CCDC141: variants seen among roughly 807,000 people sequenced by gnomAD.
The protein encoded by CCDC141 is coiled-coil domain containing 141, also known as coiled-coil domain-containing protein 141.
A neutral mutation model predicts 181.0 loss-of-function variants in CCDC141; 168 were observed. The observed-to-expected ratio is 0.93, with a 90% CI of 0.82 to 1.05. CCDC141 has a LOEUF of 1.05. Ranked by LOEUF, CCDC141 falls within the 50% of genes least tolerant of loss-of-function variation. CCDC141 has a pLI of 0.00. For missense variants in CCDC141, 1,902 were observed against 1,788.5 expected (o/e 1.06, Z -1.14); for synonymous variants, 666 against 642.3 (o/e 1.04, Z -0.56).
At chr2:178,910,488 C>G (rs1227664415) in intron 7 of CCDC141, among the ~76,000 whole-genome samples, 1 of 152,124 alleles carries the variant, frequency 6.6e-6, no homozygotes, top group Non-Finnish European at 1.5e-5. Flanking sequence ...ATTAGAGCAC[C>G]AGATTCCATT....
In CCDC141 at chr2:178,830,892, G is replaced by C. The variant is rs1055681526; in HGVS notation, c.*3281C>G. On this transcript the variant is annotated 3_prime_UTR_variant, in exon 24 of 24. Transcript: ENST00000443758. ...AGGGCTGGAGAGAAGAGCATGATAT[G>C]TTAAAACCCTGAAGTTAAATGTCAC... The C allele has an allele frequency of 6.6e-6, 1 of 152,356 alleles. No individual in the cohort carries two copies. The highest frequency in any genetic ancestry group is 6.5e-5 in the Admixed American group (1 of 15,292). The allele number at this position is 152,356 out of a possible 1,614,324, so 9.4% of individuals were successfully genotyped here.
intron 4 of CCDC141, among the ~76,000 whole-genome samples, chr2:178,970,125 CACAA>C (rs1277106427): frequency 6.6e-6 from 1 of 152,144 alleles, no homozygotes; most frequent in Non-Finnish European, 1.5e-5. Flanking sequence ...TAAGAGAGGA[CACAA>C]ACAAATGGAA....
At chr2:178,893,835 A>G (rs1407184469) in intron 8 of CCDC141, among the ~76,000 whole-genome samples, 1 of 151,692 alleles carries the variant, frequency 6.6e-6, no homozygotes, top group Non-Finnish European at 1.5e-5. Flanking sequence ...ACACACACAC[A>G]CACACACACA....
chr2:178,862,284 A>G (rs1558936016), intron 17 of CCDC141, among the ~76,000 whole-genome samples: 1 of 152,220 alleles, frequency 6.6e-6, no homozygotes. Context: ...TGGAAGTTCT[A>G]TGTGGAAAAC....
At chr2:178,881,909 TCTCTCTCACACACACACA>T (rs1467654111) in intron 11 of CCDC141, among the ~76,000 whole-genome samples, 4 of 107,156 alleles carry the variant, frequency 3.7e-5, no homozygotes, top group African/African-American at 1.5e-4. Context: ...TCTCTCTCTC[TCTCTCTCACACACACACA>T]CACACACACA....
intron 2 of CCDC141, among the ~76,000 whole-genome samples, chr2:179,014,111 A>G (rs187330021): frequency 6.6e-4 from 100 of 152,212 alleles, no homozygotes; most frequent in African/African-American, 2.3e-3. Flanking sequence ...AACCACAAAT[A>G]AACCCAAATA....
downstream of CCDC141, among the ~76,000 whole-genome samples, chr2:178,828,971 C>A (rs1684169110): frequency 6.6e-6 from 1 of 152,024 alleles, no homozygotes; most frequent in African/African-American, 2.4e-5. Flanking sequence ...AAAAGGATTT[C>A]ATTTTATTAC....
chr2:178,955,450 C>A (rs980695105), intron 5 of CCDC141, among the ~76,000 whole-genome samples: 4 of 151,948 alleles, frequency 2.6e-5, no homozygotes, highest in Non-Finnish European at 5.9e-5. Flanking sequence ...ATTAAGAAAT[C>A]GAAGCAACTC....
intron 2 of CCDC141, among the ~76,000 whole-genome samples, chr2:179,020,777 T>A (rs764840027): frequency 5.3e-5 from 8 of 152,190 alleles, no homozygotes; most frequent in Non-Finnish European, 1.2e-4. Flanking sequence ...ATTATTCTAA[T>A]CTAGTTTTAT....
At chr2:178,855,289 G>T in intron 19 of CCDC141, 58 bp downstream of exon 19, 1 of 1,431,982 alleles carries the variant, frequency 7.0e-7, no homozygotes, top group Non-Finnish European at 9.6e-7. Flanking sequence ...CTTTAAAGTT[G>T]CAAAATGATT....
chr2:178,954,064 G>A (rs970184232), intron 5 of CCDC141, among the ~76,000 whole-genome samples: 5 of 152,144 alleles, frequency 3.3e-5, no homozygotes, highest in Admixed American at 2.6e-4. Flanking sequence ...TATCTTATAT[G>A]TGATCTGGGT....
intron 2 of CCDC141, chr2:179,002,556 T>G (rs1035770563): frequency 5.8e-6 from 2 of 343,470 alleles, no homozygotes; most frequent in Non-Finnish European, 1.1e-5. Context: ...AAGGTAAGCC[T>G]AGGACCAACA....
Position 178,857,949 on chromosome 2 carries a change from T to C in CCDC141, c.2725-1552A>G, listed in dbSNP as rs377648495. On this transcript the variant is annotated intron_variant, in intron 17 of 23. Coordinates refer to ENST00000443758, the MANE Select transcript of CCDC141 (RefSeq NM_173648.4). ...CTGTGAAAATAAAGCCTTTATCTTATCTGTAACACATCTTAGAGACATCAA... is the reference window on the plus strand; with the variant it reads ...CTGTGAAAATAAAGCCTTTATCTTACCTGTAACACATCTTAGAGACATCAA... 4.1e-4 allele frequency among the ~76,000 whole-genome samples: 63 copies of C among 152,306 alleles called. 2 individuals are homozygous for C. Among genetic ancestry groups the C allele is most frequent in the Non-Finnish European group, 2.2e-4 (15 of 67,998 alleles).
chr2:178,855,244 T>G, intron 19 of CCDC141, 103 bp downstream of exon 19: 1 of 901,606 alleles, frequency 1.1e-6, no homozygotes, highest in Non-Finnish European at 1.7e-6. Flanking sequence ...GCATGATACA[T>G]GAATATAATG....
At chr2:178,969,004 A>T (rs1291355101) in intron 4 of CCDC141, among the ~76,000 whole-genome samples, 1 of 151,108 alleles carries the variant, frequency 6.6e-6, no homozygotes, top group Admixed American at 6.6e-5. Flanking sequence ...AAATTCCTGG[A>T]CACATACACT....
chr2:178,946,773 A>G (rs1309286238), intron 5 of CCDC141, among the ~76,000 whole-genome samples: 3 of 152,204 alleles, frequency 2.0e-5, no homozygotes, highest in Admixed American at 1.3e-4. Context: ...GATTTGGCAT[A>G]TACTATTTCA....
At chr2:178,850,941 C>T (rs1199170275) in intron 20 of CCDC141, among the ~76,000 whole-genome samples, 5 of 152,226 alleles carry the variant, frequency 3.3e-5, no homozygotes, top group East Asian at 1.9e-4. Context: ...CATAGTGTCT[C>T]GCGCCTGTAA....
chr2:179,028,741 C>G (rs907893737), intron 2 of CCDC141, among the ~76,000 whole-genome samples: 1 of 152,068 alleles, frequency 6.6e-6, no homozygotes, highest in Non-Finnish European at 1.5e-5. Context: ...TAGAAATATA[C>G]TATGTTGCTA....
intron 17 of CCDC141, among the ~76,000 whole-genome samples, chr2:178,865,222 G>A (rs1685792865): frequency 6.6e-6 from 1 of 152,198 alleles, no homozygotes; most frequent in Non-Finnish European, 1.5e-5. Context: ...AAGCCAGTCA[G>A]TTTGAATAAA....
Sources: allele counts gnomAD v4.1 joint callset (sites outside exome capture counted in the v4.1 genomes callset), GRCh38; gene constraint gnomAD v4.1.1; transcripts MANE v1.5; gene names NCBI Gene and HGNC (gene_info 2026-07-23, HGNC 2026-07-21).